The following THEMIS variants were observed in gnomAD, a reference collection of about 807,000 sequenced individuals.
THEMIS encodes the protein thymocyte selection associated, also known as protein THEMIS.
Under a neutral mutation model 52.6 loss-of-function variants are expected in THEMIS, and 37 were observed. The ratio of observed to expected loss-of-function variants is 0.70; its 90% CI spans 0.54 to 0.93. The LOEUF is 0.93. THEMIS is among the 40% of genes least tolerant of loss of function. The pLI, the probability that THEMIS is intolerant of heterozygous loss-of-function variation, is 0.00. For missense variants in THEMIS, 808 were observed against 763.1 expected, an observed-to-expected ratio of 1.06 and a Z score of -0.69; for synonymous variants, 292 against 272.7, an observed-to-expected ratio of 1.07 and a Z score of -0.70.
Position 127,723,753 on chromosome 6 carries a change from G to A in THEMIS, c.1759-3930C>T, listed in dbSNP as rs563406568. Among the ~76,000 whole-genome samples the A allele has an allele frequency of 5.9e-5, 9 of 152,118 alleles. No individual in the cohort carries two copies. In the South Asian group the frequency reaches 1.9e-3, roughly 32 times the overall value. On this transcript the variant is annotated intron_variant, in intron 4 of 5. Coordinates refer to ENST00000368248, the MANE Select transcript of THEMIS (RefSeq NM_001010923.3). ...TAAGAAGTCCTGGGTTCCTGCAAGT[G>A]TCACTCACTGTATAAACCTTAGCCA...
chr6:127,711,826 TG>T (rs1773992996), intron 5 of THEMIS, among the ~76,000 whole-genome samples: 1 of 151,888 alleles, frequency 6.6e-6, no homozygotes, highest in South Asian at 2.1e-4. Flanking sequence ...TGAAGGAAAA[TG>T]AAATAAATGA....
intron 4 of THEMIS, among the ~76,000 whole-genome samples, chr6:127,805,321 A>G (rs938639915): frequency 1.3e-5 from 2 of 152,132 alleles, no homozygotes; most frequent in Admixed American, 1.3e-4. Context: ...TATTGCTTAG[A>G]AAGTTTCTAA....
intron 1 of THEMIS, among the ~76,000 whole-genome samples, chr6:127,858,829 A>G (rs945427166): frequency 6.6e-6 from 1 of 152,154 alleles, no homozygotes; most frequent in South Asian, 2.1e-4. Flanking sequence ...AATAATGCCA[A>G]ACATCAGAGA....
At chr6:127,846,220 A>T (rs562295497) in intron 2 of THEMIS, among the ~76,000 whole-genome samples, 1 of 151,956 alleles carries the variant, frequency 6.6e-6, no homozygotes, top group African/African-American at 2.4e-5. Context: ...AACAACTACC[A>T]ATAACAGCAA....
chr6:127,867,860 G>A (rs1285042094), intron 1 of THEMIS, among the ~76,000 whole-genome samples: 2 of 152,034 alleles, frequency 1.3e-5, no homozygotes, highest in East Asian at 3.9e-4. Context: ...CTGTTGCTGA[G>A]TCTGAGACTG....
At chr6:127,819,109 G>C in intron 3 of THEMIS, among the ~76,000 whole-genome samples, 1 of 96,922 alleles carries the variant, frequency 1.0e-5, no homozygotes, top group Admixed American at 1.5e-4. Flanking sequence ...GAAAGAGTGA[G>C]ACTCTGTCTA....
chr6:127,834,529 A>G (rs1778811213), intron 2 of THEMIS, among the ~76,000 whole-genome samples: 1 of 151,852 alleles, frequency 6.6e-6, no homozygotes, highest in African/African-American at 2.4e-5. Flanking sequence ...GGTTGTAGTG[A>G]GCAAAGAACA....
At chr6:127,771,037 C>CA (rs1368548534) in intron 4 of THEMIS, among the ~76,000 whole-genome samples, 1 of 152,136 alleles carries the variant, frequency 6.6e-6, no homozygotes, top group African/African-American at 2.4e-5. Flanking sequence ...TGTCTCAGCC[C>CA]AAAATCTCCT....
chr6:127,770,719 C>T lies in THEMIS; in HGVS notation c.1758+42164G>A, dbSNP rs562743185. On this transcript the variant is annotated intron_variant, in intron 4 of 5. Coordinates refer to ENST00000368248, the MANE Select transcript of THEMIS (RefSeq NM_001010923.3). ...CATGCCTGTGTCCTGAATGGTATTG[C>T]CTAGGTTTTCTTCTATGGTTTTTGT... Among the ~76,000 whole-genome samples, 7 of 152,188 alleles carry T rather than the reference C, an allele frequency of 4.6e-5. No homozygotes were observed. The East Asian group carries it at 9.7e-4, about 21-fold the overall frequency.
intron 2 of THEMIS, among the ~76,000 whole-genome samples, chr6:127,834,597 T>C (rs1778812974): frequency 6.6e-6 from 1 of 151,554 alleles, no homozygotes; most frequent in Non-Finnish European, 1.5e-5. Context: ...ACAATAATAG[T>C]AATAATAATA....
intron 4 of THEMIS, among the ~76,000 whole-genome samples, chr6:127,724,248 G>C (rs1032599692): frequency 2.6e-5 from 4 of 152,044 alleles, no homozygotes; most frequent in Non-Finnish European, 5.9e-5. Context: ...ATGCAGAACT[G>C]TATTCATACA....
chr6:127,893,357 C>T (rs373422193), intron 1 of THEMIS, among the ~76,000 whole-genome samples: 4 of 152,198 alleles, frequency 2.6e-5, no homozygotes, highest in African/African-American at 9.6e-5. Context: ...AAAGATTGAT[C>T]TCAGCCAGTC....
rs760964090 is a variant in THEMIS at position 127,813,778 on chromosome 6, A to G, written c.863T>C (p.Ile288Thr). Residue 288 changes from isoleucine (I) to threonine (T), a missense_variant, in exon 4 of 6, where the codon ATA becomes ACA. By Grantham distance (89) the Ile-to-Thr change is moderately conservative. Transcript: ENST00000368248. ...SKEFPIVTEV[I>T]EAPEGNHLPQ... is the part of the protein sequence containing the mutation. ...CAGGTGGTTTCCTTCAGGTGCTTCT[A>G]TGACTTCAGTCACTATGGGGAACTC... The G allele has an allele frequency of 3.7e-5, 60 of 1,613,986 alleles. No homozygotes were observed. The highest frequency in any genetic ancestry group is 8.3e-5 in the Admixed American group (5 of 59,988).
rs1777957730 is a variant in THEMIS, at chr6:127,812,871, C to CCAA, written c.1758+11_1758+12insTTG. On this transcript the variant is annotated intron_variant, in intron 4 of 5. Transcript: ENST00000368248. ...ACACTCCAGAGAAAACATTGCAAAA[C>CCAA]CATAGCCTTACCTTGGGAGACTTGG... 3 of 1,570,618 alleles carry CCAA rather than the reference C, an allele frequency of 1.9e-6. No homozygotes were observed. In the East Asian group the frequency reaches 6.7e-5, roughly 35 times the overall value.
chr6:127,791,380 G>A (rs1244389154), intron 4 of THEMIS, among the ~76,000 whole-genome samples: 3 of 152,148 alleles, frequency 2.0e-5, no homozygotes, highest in Admixed American at 2.0e-4. Flanking sequence ...CAGGAGACAG[G>A]AGACCCACAA....
chr6:127,846,134 T>C (rs1203822441), intron 2 of THEMIS, among the ~76,000 whole-genome samples: 1 of 152,024 alleles, frequency 6.6e-6, no homozygotes, highest in Non-Finnish European at 1.5e-5. Flanking sequence ...CTAAGCTAAC[T>C]AAGCAGGGAC....
At chr6:127,877,099 A>C (rs1256927071) in intron 1 of THEMIS, among the ~76,000 whole-genome samples, 1 of 152,204 alleles carries the variant, frequency 6.6e-6, no homozygotes, top group African/African-American at 2.4e-5. Context: ...GTTGCTAAAA[A>C]CTGCTAACAA....
intron 1 of THEMIS, among the ~76,000 whole-genome samples, chr6:127,875,850 A>T (rs1780298490): frequency 6.6e-6 from 1 of 152,202 alleles, no homozygotes; most frequent in African/African-American, 2.4e-5. Flanking sequence ...ATGCCGATGA[A>T]GTTAGCAACA....
chr6:127,743,313 A>T (rs559578090), intron 4 of THEMIS, among the ~76,000 whole-genome samples: 1 of 152,288 alleles, frequency 6.6e-6, no homozygotes, highest in South Asian at 2.1e-4. Flanking sequence ...TAAGCCTAGG[A>T]AAATGCCATC....
Sources: gnomAD v4.1 joint callset for allele counts (sites outside exome capture counted in the v4.1 genomes callset) on GRCh38, gnomAD v4.1.1 for gene constraint, MANE v1.5 for transcripts, NCBI Gene and HGNC (gene_info 2026-07-23, HGNC 2026-07-21) for gene names.